Variants in CLOCK observed in about 807,000 individuals in gnomAD.
CLOCK encodes the protein circadian locomoter output cycles protein kaput.
Under a neutral mutation model 118.4 loss-of-function variants are expected in CLOCK, and 43 were observed. The observed-to-expected ratio is 0.36, with a 90% CI of 0.28 to 0.47. The LOEUF (loss-of-function observed/expected upper bound fraction) is 0.47, where lower values mean the gene tolerates loss of function less well. CLOCK is among the 20% of genes least tolerant of loss of function. The pLI, the probability that CLOCK is intolerant of heterozygous loss-of-function variation, is 1.00. For missense variants in CLOCK, 846 were observed against 999.9 expected (o/e 0.85, Z 2.08); for synonymous variants, 326 against 339.2 (o/e 0.96, Z 0.43).
chr4:55,538,190 A>G (rs1731029674), intron 1 of CLOCK, among the ~76,000 whole-genome samples: 1 of 152,244 alleles, frequency 6.6e-6, no homozygotes, highest in Admixed American at 6.5e-5. Context: ...ACTTTTTGCA[A>G]TAAATGCAAC....
chr4:55,486,971 T>C (rs1370326826), intron 3 of CLOCK, among the ~76,000 whole-genome samples: 1 of 152,202 alleles, frequency 6.6e-6, no homozygotes, highest in Admixed American at 6.5e-5. Context: ...GGAGCACTTA[T>C]TTGAACATTG....
intron 1 of CLOCK, among the ~76,000 whole-genome samples, chr4:55,515,619 G>A (rs111569347): frequency 0.017 from 2,573 of 152,106 alleles, 71 homozygotes; most frequent in African/African-American, 0.058. Context: ...TCCTGACCTC[G>A]TGATCCACCC....
intron 1 of CLOCK, among the ~76,000 whole-genome samples, chr4:55,534,267 A>C (rs1387100473): frequency 6.6e-6 from 1 of 152,196 alleles, no homozygotes; most frequent in Non-Finnish European, 1.5e-5. Flanking sequence ...TCTTCCAAAG[A>C]ACTAAATGTG....
intron 11 of CLOCK, among the ~76,000 whole-genome samples, chr4:55,457,240 A>C (rs1724985959): frequency 6.6e-6 from 1 of 152,164 alleles, no homozygotes; most frequent in Non-Finnish European, 1.5e-5. Context: ...CCAATCACAC[A>C]ATTTTCCGTA....
intron 2 of CLOCK, among the ~76,000 whole-genome samples, chr4:55,505,388 G>C (rs926708284): frequency 3.9e-5 from 6 of 152,098 alleles, no homozygotes; most frequent in South Asian, 2.1e-4. Flanking sequence ...CAGTAGCCAG[G>C]CAAGGTGGCT....
intron 2 of CLOCK, among the ~76,000 whole-genome samples, chr4:55,507,603 T>C (rs548138929): frequency 2.0e-4 from 30 of 152,122 alleles, no homozygotes; most frequent in Admixed American, 5.9e-4. Flanking sequence ...AGCAAGATTC[T>C]GTCTCTAAAA....
intron 1 of CLOCK, among the ~76,000 whole-genome samples, chr4:55,531,541 C>T (rs1399719561): frequency 2.0e-5 from 3 of 151,574 alleles, no homozygotes; most frequent in South Asian, 2.1e-4. Context: ...CCCGTCTCTA[C>T]GAAAACTACA....
intron 7 of CLOCK, among the ~76,000 whole-genome samples, chr4:55,472,413 A>G (rs1413216920): frequency 2.0e-5 from 3 of 152,180 alleles, no homozygotes. Flanking sequence ...AAGAGCAAGT[A>G]TATTTGTAGT....
At chr4:55,452,948 G>A in intron 15 of CLOCK, 106 bp downstream of exon 15, 1 of 796,406 alleles carries the variant, frequency 1.3e-6, no homozygotes, top group Non-Finnish European at 2.0e-6. Context: ...CGTTATAAGT[G>A]AGGAAATAAA....
chr4:55,502,343 T>TA (rs1477749021), intron 2 of CLOCK, among the ~76,000 whole-genome samples: 1 of 152,074 alleles, frequency 6.6e-6, no homozygotes, highest in East Asian at 1.9e-4. Context: ...CTACAGTAAT[T>TA]AAAAGAGTAT....
Position 55,458,978 on chromosome 4 carries a change from T to C in CLOCK, c.706A>G (p.Thr236Ala). Residue 236 changes from threonine (T) to alanine (A), a missense_variant, in exon 11 of 23, where the codon ACT (threonine) becomes GCT (alanine). By Grantham distance (58) the Thr-to-Ala change is moderately conservative. This residue lies in a region of CLOCK where 246 missense variants were observed against 300.2 expected (regional missense o/e 0.82). Coordinates refer to ENST00000513440, the MANE Select transcript of CLOCK (RefSeq NM_004898.4). The stretch of plus-strand genomic sequence containing the variant: ...GATGGCCTATGTGTGCGTTGTATAG[T>C]TCCTTCAAAACCATTGTGTGCTGAA... Reference protein sequence around the residue: ...SSSAHNGFEGTIQRTHRPSYE... With the variant: ...SSSAHNGFEGAIQRTHRPSYE... The C allele has an allele frequency of 1.9e-6, 3 of 1,613,952 alleles. No individual in the cohort carries two copies. The highest frequency in any genetic ancestry group is 2.5e-6 in the Non-Finnish European group (3 of 1,179,894).
In CLOCK at chr4:55,444,697, C is replaced by T. The variant is rs775779441; in HGVS notation, c.1628G>A (p.Arg543Gln). ...RTRMIEANIH[R>Q]QQEELRKIQE... ...AATTTTTCTTAGTTCTTCTTGTTGCCGATGAATATTTGCTTCTATCATGCG... is the reference window on the plus strand; with the variant it reads ...AATTTTTCTTAGTTCTTCTTGTTGCTGATGAATATTTGCTTCTATCATGCG... Residue 543 changes from arginine to glutamine, a missense_variant, in exon 19 of 23, where the codon CGG becomes CAG. Arg to Gln is a conservative substitution (Grantham distance 43, BLOSUM62 1). Around this residue, in one of 4 missense-constraint regions of CLOCK, gnomAD observed 520 missense variants for 558.0 expected, o/e 0.93. Transcript: ENST00000513440. The T allele has an allele frequency of 3.1e-6, 5 of 1,613,878 alleles. No homozygotes were observed. The highest frequency in any genetic ancestry group is 4.5e-5 in the East Asian group (2 of 44,880).
intron 1 of CLOCK, among the ~76,000 whole-genome samples, chr4:55,527,111 T>C (rs1372503535): frequency 2.0e-5 from 3 of 152,038 alleles, no homozygotes; most frequent in Admixed American, 6.6e-5. Context: ...TGAAACGTTA[T>C]AAAGAAAAAT....
At position 55,478,923 on chromosome 4, in the gene CLOCK, A is replaced by G. The variant is rs763663483; in HGVS notation, c.148T>C (p.Phe50Leu). ...NKSEKKRRDQ[F>L]NVLIKELGSM... ...CCCAGTTCTTTAATGAGAACATTAAATTGATCTCTACGTTTCTTTTCAGAT... is the reference window on the plus strand; with the variant it reads ...CCCAGTTCTTTAATGAGAACATTAAGTTGATCTCTACGTTTCTTTTCAGAT... The change falls in exon 6 of 23, where the codon TTT becomes CTT. Residue 50 changes from phenylalanine (F) to leucine (L), a missense_variant. Around this residue, in one of 4 missense-constraint regions of CLOCK, gnomAD observed 246 missense variants for 300.2 expected, o/e 0.82. Transcript: ENST00000513440. 5 of 1,605,236 alleles carry G rather than the reference A, an allele frequency of 3.1e-6. No homozygotes were observed. The South Asian group carries it at 5.5e-5, about 18-fold the overall frequency.
At chr4:55,491,966 T>C (rs1727729813) in intron 2 of CLOCK, among the ~76,000 whole-genome samples, 1 of 152,150 alleles carries the variant, frequency 6.6e-6, no homozygotes, top group African/African-American at 2.4e-5. Flanking sequence ...TGAAGAATTC[T>C]ACCAAACACT....
chr4:55,509,240 A>G (rs890496550), intron 2 of CLOCK, among the ~76,000 whole-genome samples: 3 of 152,242 alleles, frequency 2.0e-5, no homozygotes, highest in African/African-American at 4.8e-5. Flanking sequence ...CATGTAATGC[A>G]TGACTGTACT....
chr4:55,478,531 A>G (rs1168033059), intron 6 of CLOCK, among the ~76,000 whole-genome samples: 1 of 152,138 alleles, frequency 6.6e-6, no homozygotes, highest in Non-Finnish European at 1.5e-5. Context: ...ACAGTTTACA[A>G]GCACTACTCA....
intron 4 of CLOCK, 49 bp downstream of exon 4, chr4:55,482,690 C>G: frequency 8.1e-7 from 1 of 1,233,758 alleles, no homozygotes; most frequent in Non-Finnish European, 1.1e-6. Context: ...TCTAATAGTG[C>G]ATTTTAAAAT....
In CLOCK at chr4:55,546,809, G is replaced by A. The variant is rs949018526; in HGVS notation, c.-317C>T. 6.6e-6 allele frequency: 1 copy of A among 152,268 alleles called. No homozygotes were observed. The highest frequency in any genetic ancestry group is 1.5e-5 in the Non-Finnish European group (1 of 68,146). The allele number at this position is 152,268 out of a possible 1,614,324, so 9.4% of individuals were successfully genotyped here. A position where few individuals can be genotyped will look rare whatever the true frequency, so the allele number is the denominator to read the frequency against. ...GGAGCGCTCGCGGCGGCGGCGGCCA[G>A]ATTTCCTTCGCGCTCTCGCTCTCCG... On this transcript the variant is annotated 5_prime_UTR_variant, in exon 1 of 23. Transcript: ENST00000513440.
Sources: allele counts gnomAD v4.1 joint callset (sites outside exome capture counted in the v4.1 genomes callset), GRCh38; gene constraint gnomAD v4.1.1; regional missense constraint gnomAD v4.1.1; transcripts MANE v1.5; gene names NCBI Gene and HGNC (gene_info 2026-07-23, HGNC 2026-07-21).